Variants in MAGI2 observed in about 807,000 individuals in gnomAD.
MAGI2 encodes membrane-associated guanylate kinase, WW and PDZ domain-containing protein 2.
In MAGI2, 35 loss-of-function variants were observed where a neutral mutation model predicts 133.3. The observed-to-expected ratio is 0.26, with a 90% CI of 0.20 to 0.35. The LOEUF is 0.35. MAGI2 is among the 10% of genes least tolerant of loss of function. The pLI is 1.00. For synonymous variants in MAGI2, 729 were observed against 710.6 expected (o/e 1.03, Z -0.41); for missense variants, 1,636 against 1,863.4 (o/e 0.88, Z 2.25).
At chr7:78,327,833 T>C (rs546457375) in intron 9 of MAGI2, among the ~76,000 whole-genome samples, 26 of 152,270 alleles carry the variant, frequency 1.7e-4, no homozygotes, top group African/African-American at 5.8e-4. Flanking sequence ...AGAAATCAGA[T>C]GTAAGCCCTG....
intron 9 of MAGI2, among the ~76,000 whole-genome samples, chr7:78,278,507 G>A (rs1161992544): frequency 1.3e-5 from 2 of 152,140 alleles, no homozygotes; most frequent in Non-Finnish European, 2.9e-5. Context: ...AGATTTTTCT[G>A]TTCATAAGGA....
chr7:78,925,603 A>G (rs1325866259), intron 2 of MAGI2, among the ~76,000 whole-genome samples: 2 of 152,064 alleles, frequency 1.3e-5, no homozygotes, highest in Admixed American at 6.6e-5. Flanking sequence ...GGAATTTTCC[A>G]GAAGTGTGTG....
chr7:79,211,405 G>A (rs772237724), intron 1 of MAGI2, among the ~76,000 whole-genome samples: 3 of 151,656 alleles, frequency 2.0e-5, no homozygotes, highest in African/African-American at 4.9e-5. Flanking sequence ...AGCCTCCTGC[G>A]TAGCTGAGAC....
At chr7:78,479,273 C>A (rs980419740) in intron 6 of MAGI2, among the ~76,000 whole-genome samples, 14 of 151,866 alleles carry the variant, frequency 9.2e-5, no homozygotes, top group African/African-American at 3.1e-4. Flanking sequence ...TATCAAAACA[C>A]CAAATAATGT....
At chr7:78,327,541 A>G (rs1788710175) in intron 9 of MAGI2, among the ~76,000 whole-genome samples, 1 of 152,096 alleles carries the variant, frequency 6.6e-6, no homozygotes, top group African/African-American at 2.4e-5. Flanking sequence ...TACCCTGAAG[A>G]TTCTGTTTTC....
intron 6 of MAGI2, among the ~76,000 whole-genome samples, chr7:78,426,253 T>C (rs2151420427): frequency 6.6e-6 from 1 of 152,282 alleles, no homozygotes; most frequent in East Asian, 1.9e-4. Flanking sequence ...TATAGACAAA[T>C]CAATAGGAAG....
At chr7:79,264,861 G>C (rs1030464048) in intron 1 of MAGI2, among the ~76,000 whole-genome samples, 3 of 147,874 alleles carry the variant, frequency 2.0e-5, no homozygotes, top group East Asian at 2.0e-4. Flanking sequence ...GAGAGACACA[G>C]AGAGAGAGAG....
At chr7:78,612,029 C>T (rs945767461) in intron 3 of MAGI2, among the ~76,000 whole-genome samples, 1 of 152,188 alleles carries the variant, frequency 6.6e-6, no homozygotes, top group Non-Finnish European at 1.5e-5. Context: ...TTGAGGCAAA[C>T]ATGATCTACC....
intron 1 of MAGI2, among the ~76,000 whole-genome samples, chr7:79,024,325 A>C (rs1335972426): frequency 6.6e-6 from 1 of 152,140 alleles, no homozygotes; most frequent in Non-Finnish European, 1.5e-5. Flanking sequence ...CATATACAAA[A>C]ATTAACTCAA....
At chr7:78,470,943 G>T (rs1343761304) in intron 6 of MAGI2, among the ~76,000 whole-genome samples, 1 of 152,102 alleles carries the variant, frequency 6.6e-6, no homozygotes, top group African/African-American at 2.4e-5. Context: ...TGCCTTTGAG[G>T]TAAGCCATTA....
At chr7:79,111,194 G>T (rs1818897811) in intron 1 of MAGI2, among the ~76,000 whole-genome samples, 1 of 152,038 alleles carries the variant, frequency 6.6e-6, no homozygotes, top group Non-Finnish European at 1.5e-5. Flanking sequence ...TTAAAAATAT[G>T]GTCTTATTAT....
At chr7:79,403,708 T>A (rs1486805154) in intron 1 of MAGI2, among the ~76,000 whole-genome samples, 1 of 152,168 alleles carries the variant, frequency 6.6e-6, no homozygotes, top group Non-Finnish European at 1.5e-5. Flanking sequence ...CACACAGAAA[T>A]CATCTTACAT....
intron 1 of MAGI2, among the ~76,000 whole-genome samples, chr7:79,104,185 C>A (rs1420214376): frequency 2.0e-5 from 3 of 152,042 alleles, no homozygotes; most frequent in Non-Finnish European, 4.4e-5. Flanking sequence ...AGTAAGGAGC[C>A]CCCTGTCATA....
chr7:78,268,698 A>T (rs1584639642), intron 9 of MAGI2, among the ~76,000 whole-genome samples: 1 of 152,334 alleles, frequency 6.6e-6, no homozygotes, highest in East Asian at 1.9e-4. Flanking sequence ...GGCATTTCTT[A>T]AGACAGGCTA....
intron 1 of MAGI2, among the ~76,000 whole-genome samples, chr7:79,214,247 T>G (rs1220899228): frequency 2.0e-5 from 3 of 151,062 alleles, no homozygotes; most frequent in Admixed American, 6.6e-5. Flanking sequence ...ATACTTCCTT[T>G]TATTACATGA....
chr7:78,164,418 G>T (rs967825879), intron 15 of MAGI2, among the ~76,000 whole-genome samples: 5 of 152,240 alleles, frequency 3.3e-5, no homozygotes, highest in African/African-American at 1.2e-4. Context: ...TCCTTATGGG[G>T]CAGGAGCAGC....
At chr7:79,121,394 T>C (rs915056768) in intron 1 of MAGI2, among the ~76,000 whole-genome samples, 17 of 152,298 alleles carry the variant, frequency 1.1e-4, no homozygotes, top group African/African-American at 3.6e-4. Context: ...GTGAATTCAA[T>C]GTTTGGAACC....
intron 2 of MAGI2, among the ~76,000 whole-genome samples, chr7:78,733,427 A>G (rs1821557732): frequency 6.6e-6 from 1 of 152,172 alleles, no homozygotes; most frequent in Non-Finnish European, 1.5e-5. Context: ...AAATATTTAC[A>G]ATTGTGTGGA....
chr7:79,185,357 T>G (rs554075929), intron 1 of MAGI2, among the ~76,000 whole-genome samples: 1 of 151,782 alleles, frequency 6.6e-6, no homozygotes, highest in South Asian at 2.1e-4. Flanking sequence ...TTCAAACATG[T>G]TTTTCAAAAA....
Sources: gnomAD v4.1 joint callset for allele counts (sites outside exome capture counted in the v4.1 genomes callset) on GRCh38, gnomAD v4.1.1 for gene constraint, MANE v1.5 for transcripts, NCBI Gene and HGNC (gene_info 2026-07-23, HGNC 2026-07-21) for gene names.